Variants in AOPEP observed in about 807,000 individuals in gnomAD.
AOPEP encodes aminopeptidase O.
In AOPEP, 77 loss-of-function variants were observed where a neutral mutation model predicts 98.1. The observed-to-expected ratio is 0.78, with a 90% CI of 0.65 to 0.95. The LOEUF (loss-of-function observed/expected upper bound fraction) is 0.95. AOPEP is among the 40% of genes least tolerant of loss of function. The probability of loss-of-function intolerance (pLI) is 0.00; values close to 1 mark genes in which losing one functional copy is unlikely to be tolerated. For synonymous variants in AOPEP, 346 were observed against 365.3 expected, an observed-to-expected ratio of 0.95 and a Z score of 0.60; for missense variants, 1,024 against 1,024.7, an observed-to-expected ratio of 1.00 and a Z score of 0.01.
At chr9:95,007,986 A>G (rs2132791057) in intron 13 of AOPEP, among the ~76,000 whole-genome samples, 1 of 152,344 alleles carries the variant, frequency 6.6e-6, no homozygotes, top group South Asian at 2.1e-4. Context: ...CACAAGTAGA[A>G]GCAGATTATT....
chr9:94,809,747 A>T (rs982249785), intron 5 of AOPEP, among the ~76,000 whole-genome samples: 4 of 152,264 alleles, frequency 2.6e-5, no homozygotes, highest in African/African-American at 9.6e-5. Context: ...CAATGTTAAT[A>T]TATTAGGTAC....
chr9:94,914,039 C>A (rs1564370842), intron 5 of AOPEP, among the ~76,000 whole-genome samples: 1 of 152,166 alleles, frequency 6.6e-6, no homozygotes, highest in Non-Finnish European at 1.5e-5. Context: ...AGGAATTCTT[C>A]ATAAGAAAAA....
intron 5 of AOPEP, among the ~76,000 whole-genome samples, chr9:94,896,061 G>A (rs1228734888): frequency 6.6e-6 from 1 of 152,174 alleles, no homozygotes; most frequent in African/African-American, 2.4e-5. Context: ...AAAGAAATTA[G>A]AGGTAGAATT....
At chr9:94,985,065 G>A (rs1031416767) in intron 11 of AOPEP, among the ~76,000 whole-genome samples, 5 of 152,252 alleles carry the variant, frequency 3.3e-5, no homozygotes, top group South Asian at 2.1e-4. Context: ...TGAACCTCAC[G>A]TGTCTTCTGT....
chr9:94,952,537 GT>G (rs1229820413), intron 7 of AOPEP, among the ~76,000 whole-genome samples: 1 of 152,170 alleles, frequency 6.6e-6, no homozygotes, highest in African/African-American at 2.4e-5. Context: ...TGTGCACTTC[GT>G]GGACCTGACT....
chr9:95,086,437 C>T, intron 16 of AOPEP: 1 of 985,374 alleles, frequency 1.0e-6, no homozygotes, highest in Non-Finnish European at 1.2e-6. Context: ...ATGGGTACTC[C>T]TAGCAGCTAT....
intron 7 of AOPEP, chr9:94,932,736 G>A (rs943117359): frequency 8.9e-6 from 8 of 899,882 alleles, no homozygotes; most frequent in African/African-American, 3.6e-5. Context: ...TGCCTGCTTC[G>A]GCCTCCCAAA....
chr9:95,107,019 C>A, the AOPEP span: 15 of 1,600,428 alleles, frequency 9.4e-6, 1 homozygote, highest in South Asian at 2.2e-5. Flanking sequence ...CACCTCTCGC[C>A]TGGAGCAGAA....
In AOPEP at chr9:95,051,437, G is replaced by A. The variant is rs1003447835; in HGVS notation, c.2116-9257G>A. 3.8e-4 allele frequency among the ~76,000 whole-genome samples: 58 copies of A among 151,208 alleles called. 1 individual carries two copies. The highest frequency in any genetic ancestry group is 1.2e-3 in the African/African-American group (51 of 41,128). The stretch of plus-strand genomic sequence containing the variant: ...TTTTGATTTTAAAAAACCCTTAATC[G>A]TTAATAGTAAGTTTTAACAAGGAGA... On this transcript the variant is annotated intron_variant, in intron 13 of 16. Transcript: ENST00000375315.
chr9:95,085,420 G>A (rs370274835), intron 16 of AOPEP: 77 of 528,310 alleles, frequency 1.5e-4, no homozygotes, highest in South Asian at 6.6e-4. Flanking sequence ...ACCGGTCACC[G>A]TCCCTTTATT....
intron 5 of AOPEP, among the ~76,000 whole-genome samples, chr9:94,883,094 G>A (rs1356193081): frequency 6.6e-6 from 1 of 152,188 alleles, no homozygotes; most frequent in African/African-American, 2.4e-5. Flanking sequence ...AGTGGAGCTT[G>A]GGATTTGAGA....
the AOPEP span, among the ~76,000 whole-genome samples, chr9:95,102,663 T>C: frequency 6.6e-6 from 1 of 152,092 alleles, no homozygotes; most frequent in Admixed American, 6.5e-5. Context: ...TCTGGGAGGG[T>C]GAACAACTGC....
At chr9:94,746,210 A>T (rs1834450598) in intron 1 of AOPEP, among the ~76,000 whole-genome samples, 2 of 151,924 alleles carry the variant, frequency 1.3e-5, no homozygotes, top group Admixed American at 1.3e-4. Context: ...TAGGTAGTGG[A>T]CCTCTGTTTG....
chr9:94,752,390 A>C (rs1440598384), intron 1 of AOPEP, among the ~76,000 whole-genome samples: 1 of 150,792 alleles, frequency 6.6e-6, no homozygotes, highest in Non-Finnish European at 1.5e-5. Flanking sequence ...CACACACCCC[A>C]CATGCATGTA....
At chr9:95,058,991 C>T (rs1267607907) in intron 13 of AOPEP, among the ~76,000 whole-genome samples, 1 of 152,222 alleles carries the variant, frequency 6.6e-6, no homozygotes, top group Non-Finnish European at 1.5e-5. Flanking sequence ...TACCCACATG[C>T]ACCCGGCAGT....
intron 3 of AOPEP, among the ~76,000 whole-genome samples, chr9:94,787,676 G>A (rs1017368042): frequency 6.6e-6 from 1 of 152,072 alleles, no homozygotes; most frequent in African/African-American, 2.4e-5. Context: ...GGTACCAGAC[G>A]TGTTATTCTT....
At chr9:94,856,832 C>T (rs907433731) in intron 5 of AOPEP, among the ~76,000 whole-genome samples, 1 of 152,158 alleles carries the variant, frequency 6.6e-6, no homozygotes, top group Non-Finnish European at 1.5e-5. Context: ...CTGGTAGACA[C>T]ACCTCTAGCA....
chr9:94,896,270 G>A (rs1353376921), intron 5 of AOPEP, among the ~76,000 whole-genome samples: 5 of 152,174 alleles, frequency 3.3e-5, no homozygotes, highest in Non-Finnish European at 5.9e-5. Context: ...GAAAAGCACA[G>A]AAAAGAAATG....
intron 5 of AOPEP, among the ~76,000 whole-genome samples, chr9:94,840,800 C>T (rs2042179115): frequency 6.6e-6 from 1 of 151,534 alleles, no homozygotes; most frequent in African/African-American, 2.4e-5. Flanking sequence ...CATTGTATTC[C>T]CCATTTTTTT....
Sources: gnomAD v4.1 joint callset for allele counts (sites outside exome capture counted in the v4.1 genomes callset) on GRCh38, gnomAD v4.1.1 for gene constraint, MANE v1.5 for transcripts, NCBI Gene and HGNC (gene_info 2026-07-23, HGNC 2026-07-21) for gene names.